Variants in ZNF646 observed in about 807,000 individuals in gnomAD.
The protein encoded by ZNF646 is zinc finger protein 646.
A neutral mutation model predicts 115.4 loss-of-function variants in ZNF646; 49 were observed. The observed-to-expected ratio is 0.42, with a 90% confidence interval of 0.34 to 0.54. ZNF646 has a LOEUF of 0.54. Ranked by LOEUF, ZNF646 falls within the 20% of genes least tolerant of loss-of-function variation. The pLI is 0.04. For missense variants in ZNF646, 2,269 were observed against 2,457.9 expected (o/e 0.92, Z 1.62); for synonymous variants, 933 against 939.0 (o/e 0.99, Z 0.12).
rs750148758 is a variant in ZNF646 at position 31,078,679 on chromosome 16, C to T, written c.2355C>T (p.Cys785=). Reference sequence around the variant, plus strand: ...AGGAAGGTGGTGGCACTCACTTCTGCGATAGCCTCACTGGGGTGGATGAAG... The same window carrying T: ...AGGAAGGTGGTGGCACTCACTTCTGTGATAGCCTCACTGGGGTGGATGAAG... The part of the protein sequence containing the change: ...PGEEGGGTHF[C]DSLTGVDEDQ... The change falls in exon 2 of 3, where the codon TGC becomes TGT. Residue 785 remains cysteine (C), a synonymous_variant. Transcript: ENST00000300850. 29 of 1,614,028 alleles carry T rather than the reference C, an allele frequency of 1.8e-5. No homozygotes were observed. Among genetic ancestry groups the T allele is most frequent in the Middle Eastern group, 3.3e-4 (2 of 6,084 alleles).
chr16:31,080,649 GCC>G lies in ZNF646; in HGVS notation c.4328_4329del (p.Pro1443HisfsTer32). 6.2e-7 allele frequency: 1 copy of G among 1,614,122 alleles called. No homozygotes were observed. Among genetic ancestry groups the G allele is most frequent in the Non-Finnish European group, 8.5e-7 (1 of 1,179,992 alleles). On this transcript the variant is annotated frameshift_variant, in exon 2 of 3. Coordinates refer to ENST00000300850, the MANE Select transcript of ZNF646 (RefSeq NM_014699.4). LOFTEE classifies it high-confidence loss of function. ...CCAAGGCCAGGGGAGCGCAGTCAGA[GCC>G]CCATCAGGGCAGCAAGCTCAGAAGC...
intron 2 of ZNF646, chr16:31,082,744 A>T: frequency 1.8e-6 from 1 of 567,036 alleles, no homozygotes; most frequent in Non-Finnish European, 3.1e-6. Flanking sequence ...AGTCACCTGA[A>T]AGCTGAAGGA....
rs2057094084 is a variant in ZNF646, at chr16:31,077,582, G to A, written c.1258G>A (p.Val420Met). Residue 420 changes from valine (V) to methionine (M), a missense_variant, in exon 2 of 3, where the codon GTG becomes ATG. Val to Met is a conservative substitution (Grantham distance 21). Coordinates refer to ENST00000300850, the MANE Select transcript of ZNF646 (RefSeq NM_014699.4). ...CAATGCGGCTGCCCTCAAAAACCAT[G>A]TGCGGGCTCATCACAGGCCCAGGCA... Reference protein sequence around the residue: ...LFNAAALKNHVRAHHRPRQGV... With the variant: ...LFNAAALKNHMRAHHRPRQGV... The A allele has an allele frequency of 1.2e-6, 2 of 1,613,652 alleles. No homozygotes were observed. Among genetic ancestry groups the A allele is most frequent in the Non-Finnish European group, 8.5e-7 (1 of 1,179,874 alleles).
At position 31,079,244 on chromosome 16, in the gene ZNF646, G is replaced by C; in HGVS notation, c.2920G>C (p.Glu974Gln). 6.2e-7 allele frequency: 1 copy of C among 1,613,890 alleles called. No individual in the cohort carries two copies. Residue 974 changes from glutamate (E) to glutamine (Q), a missense_variant, in exon 2 of 3, where the codon GAG becomes CAG. Physicochemically the swap from Glu to Gln is conservative, Grantham distance 29 (BLOSUM62 2). Around this residue, in one of 5 missense-constraint regions of ZNF646, gnomAD observed 1,062 missense variants for 1,172.8 expected, o/e 0.91. Coordinates refer to ENST00000300850, the MANE Select transcript of ZNF646 (RefSeq NM_014699.4). This position sits in a 1 kb window ranked among gnomAD's most constrained non-coding sequence, Gnocchi z 5.5. ...GQTYDDLGSLERHHQSQSSGT... is the reference protein window; with the variant it reads ...GQTYDDLGSLQRHHQSQSSGT... ...GACCTACGATGACCTGGGGAGCCTGGAGCGTCACCACCAAAGTCAGAGTTC... is the reference window on the plus strand; with the variant it reads ...GACCTACGATGACCTGGGGAGCCTGCAGCGTCACCACCAAAGTCAGAGTTC...
In ZNF646 at chr16:31,076,467, A is replaced by T; in HGVS notation, c.143A>T (p.Tyr48Phe). The T allele has an allele frequency of 1.9e-6, 3 of 1,613,648 alleles. No homozygotes were observed. The highest frequency in any genetic ancestry group is 3.3e-5 in the Admixed American group (2 of 59,992). The change falls in exon 2 of 3, where the codon TAC (tyrosine) becomes TTC (phenylalanine). Residue 48 changes from tyrosine to phenylalanine, a missense_variant. Physicochemically the swap from Tyr to Phe is conservative, Grantham distance 22. Transcript: ENST00000300850. ...GAGGCTGACAGCATCCCTCGGCCCTACCGTTGTCAGCAGTGTGGGCGGGGC... is the reference window on the plus strand; with the variant it reads ...GAGGCTGACAGCATCCCTCGGCCCTTCCGTTGTCAGCAGTGTGGGCGGGGC... ...SEEADSIPRP[Y>F]RCQQCGRGYR...
chr16:31,078,023 C>G lies in ZNF646; in HGVS notation c.1699C>G (p.Pro567Ala), dbSNP rs758897201. The change falls in exon 2 of 3, where the codon CCA becomes GCA. Residue 567 changes from proline (P) to alanine (A), a missense_variant. By Grantham distance (27) the Pro-to-Ala change is conservative. Around this residue, in one of 5 missense-constraint regions of ZNF646, gnomAD observed 852 missense variants for 900.2 expected, o/e 0.95. Transcript: ENST00000300850. Reference sequence around the variant, plus strand: ...TGAAGAAGAGGCCACGGACATCACCCCAGCAGCAGACAAGACAGCAGCACA... The same window carrying G: ...TGAAGAAGAGGCCACGGACATCACCGCAGCAGCAGACAAGACAGCAGCACA... The part of the protein sequence containing the change: ...KHEEEATDIT[P>A]AADKTAAHIC... The G allele has an allele frequency of 3.1e-6, 5 of 1,614,028 alleles. No individual in the cohort carries two copies. The highest frequency in any genetic ancestry group is 4.2e-6 in the Non-Finnish European group (5 of 1,180,046).
chr16:31,080,059 C>A lies in ZNF646; in HGVS notation c.3735C>A (p.Leu1245=), dbSNP rs750759435. The change falls in exon 2 of 3, where the codon CTC becomes CTA. Residue 1245 remains leucine (L), a synonymous_variant. Coordinates refer to ENST00000300850, the MANE Select transcript of ZNF646 (RefSeq NM_014699.4). ...AGGGCTTCTCAAACCTCATGTCCCT[C>A]AAGAACCACCGGCGCATCCATGCAG... is the stretch of plus-strand genomic sequence containing the variant. ...CSKGFSNLMS[L]KNHRRIHADP... is the part of the protein sequence containing the mutation. 2 of 1,611,906 alleles carry A rather than the reference C, an allele frequency of 1.2e-6. No individual in the cohort carries two copies. Among genetic ancestry groups the A allele is most frequent in the South Asian group, 2.2e-5 (2 of 90,978 alleles).
At position 31,077,555 on chromosome 16, in the gene ZNF646, T is replaced by C. The variant is rs1167595818; in HGVS notation, c.1231T>C (p.Phe411Leu). Reference protein sequence around the residue: ...YPCSLCSKQLFNAAALKNHVR... With the variant: ...YPCSLCSKQLLNAAALKNHVR... ...CTGCTCACTCTGTTCTAAGCAGCTG[T>C]TCAATGCGGCTGCCCTCAAAAACCA... The change falls in exon 2 of 3, where the codon TTC becomes CTC. Residue 411 changes from phenylalanine to leucine, a missense_variant. By Grantham distance (22) the Phe-to-Leu change is conservative (BLOSUM62 0). Around this residue, in one of 5 missense-constraint regions of ZNF646, gnomAD observed 852 missense variants for 900.2 expected, o/e 0.95. Transcript: ENST00000300850. 1 of 1,613,244 alleles carries C rather than the reference T, an allele frequency of 6.2e-7. No individual in the cohort carries two copies. The highest frequency in any genetic ancestry group is 1.7e-5 in the Admixed American group (1 of 59,980).
rs145191519 is a variant in ZNF646 at position 31,078,400 on chromosome 16, G to C, written c.2076G>C (p.Ala692=). ...SGGREAKLLA[A]ESWTRELEDN... is the part of the protein sequence containing the mutation. ...GGAGAGAAGCCAAACTCCTGGCAGC[G>C]GAGAGCTGGACCCGGGAGCTAGAAG... Residue 692 remains alanine (A), a synonymous_variant, in exon 2 of 3, where the codon GCG becomes GCC. Coordinates refer to ENST00000300850, the MANE Select transcript of ZNF646 (RefSeq NM_014699.4). 2.5e-6 allele frequency: 4 copies of C among 1,611,468 alleles called. No individual in the cohort carries two copies. The South Asian group carries it at 3.3e-5, about 13-fold the overall frequency.
chr16:31,081,891 T>C, intron 2 of ZNF646, 190 bp downstream of exon 2: 1 of 993,336 alleles, frequency 1.0e-6, no homozygotes, highest in South Asian at 1.9e-5. Context: ...GCAAGTCAGG[T>C]ATAACAAATA....
rs895058925 is a variant in ZNF646 at position 31,083,453 on chromosome 16, T to G, written c.*361T>G. 4.0e-5 allele frequency: 52 copies of G among 1,305,162 alleles called. No homozygotes were observed. Among genetic ancestry groups the G allele is most frequent in the Non-Finnish European group, 4.8e-5 (49 of 1,016,674 alleles). The allele number at this position is 1,305,162 out of a possible 1,614,324, so 80.8% of individuals were successfully genotyped here. A position where few individuals can be genotyped will look rare whatever the true frequency, so the allele number is the denominator to read the frequency against. On this transcript the variant is annotated 3_prime_UTR_variant, in exon 3 of 3. Coordinates refer to ENST00000300850, the MANE Select transcript of ZNF646 (RefSeq NM_014699.4). ...TTTCTAAAGTCTATTTTGTAACAAT[T>G]TATTTAAGTTTAAAAAAAGGAAAAC... is the stretch of plus-strand genomic sequence containing the variant.
Position 31,080,243 on chromosome 16 carries a change from A to G in ZNF646, c.3919A>G (p.Thr1307Ala), listed in dbSNP as rs1245731783. 2 of 1,605,812 alleles carry G rather than the reference A, an allele frequency of 1.2e-6. No homozygotes were observed. Among genetic ancestry groups the G allele is most frequent in the South Asian group, 1.1e-5 (1 of 90,706 alleles). ...CTTCCGCTGTGGGCAGTGCGGGCGG[A>G]CCTATCGCCACGCCGGCAGCCTCCT... The part of the protein sequence containing the change: ...RPFRCGQCGR[T>A]YRHAGSLLNH... The change falls in exon 2 of 3, where the codon ACC (threonine) becomes GCC (alanine). Residue 1307 changes from threonine (T) to alanine (A), a missense_variant. Physicochemically the swap from Thr to Ala is moderately conservative, Grantham distance 58. Coordinates refer to ENST00000300850, the MANE Select transcript of ZNF646 (RefSeq NM_014699.4).
In ZNF646 at chr16:31,083,155, C is replaced by G. The variant is rs1457554217; in HGVS notation, c.*63C>G. The G allele has an allele frequency of 2.6e-6, 4 of 1,551,678 alleles. No homozygotes were observed. In the Admixed American group the frequency reaches 8.4e-5, roughly 33 times the overall value. ...GCGCGTGCAGGGAGGGGCTTGATCT[C>G]CACATTTTCTCAGGAGTAGTTCGGG... is the stretch of plus-strand genomic sequence containing the variant. On this transcript the variant is annotated 3_prime_UTR_variant, in exon 3 of 3. Coordinates refer to ENST00000300850, the MANE Select transcript of ZNF646 (RefSeq NM_014699.4).
chr16:31,080,633 G>A lies in ZNF646; in HGVS notation c.4309G>A (p.Gly1437Arg). 1.2e-6 allele frequency: 2 copies of A among 1,614,176 alleles called. No individual in the cohort carries two copies. Among genetic ancestry groups the A allele is most frequent in the Non-Finnish European group, 1.7e-6 (2 of 1,180,012 alleles). Residue 1437 changes from glycine to arginine, a missense_variant, in exon 2 of 3, where the codon GGG becomes AGG. By Grantham distance (125) the Gly-to-Arg change is moderately radical. Coordinates refer to ENST00000300850, the MANE Select transcript of ZNF646 (RefSeq NM_014699.4). ...CTTGGAGGATGGAGTCCCAAGGCCA[G>A]GGGAGCGCAGTCAGAGCCCCATCAG... is the stretch of plus-strand genomic sequence containing the variant. Reference protein sequence around the residue: ...PHLEDGVPRPGERSQSPIRAA... With the variant: ...PHLEDGVPRPRERSQSPIRAA...
At position 31,078,963 on chromosome 16, in the gene ZNF646, C is replaced by T; in HGVS notation, c.2639C>T (p.Pro880Leu). The change falls in exon 2 of 3, where the codon CCT becomes CTT. Residue 880 changes from proline to leucine, a missense_variant. Coordinates refer to ENST00000300850, the MANE Select transcript of ZNF646 (RefSeq NM_014699.4). ...HRPGEATSAQPFLCCLCGMIF... is the reference protein window; with the variant it reads ...HRPGEATSAQLFLCCLCGMIF... ...CCTGGGGAGGCGACCTCAGCACAGC[C>T]TTTCCTCTGCTGCCTCTGTGGCATG... 1.9e-6 allele frequency: 3 copies of T among 1,609,778 alleles called. No homozygotes were observed. The South Asian group carries it at 3.3e-5, about 18-fold the overall frequency.
At position 31,081,114 on chromosome 16, in the gene ZNF646, A is replaced by T. The variant is rs776326677; in HGVS notation, c.4790A>T (p.His1597Leu). The change falls in exon 2 of 3, where the codon CAC becomes CTC. Residue 1597 changes from histidine to leucine, a missense_variant. Physicochemically the swap from His to Leu is moderately conservative, Grantham distance 99. This residue lies in a region of ZNF646 where 1,062 missense variants were observed against 1,172.8 expected (regional missense o/e 0.91). Transcript: ENST00000300850. Reference sequence around the variant, plus strand: ...GACTGTGGCAAAGCCTTTGAGTCCCACCAGGAACTGGCCAGCCACCTGCAG... The same window carrying T: ...GACTGTGGCAAAGCCTTTGAGTCCCTCCAGGAACTGGCCAGCCACCTGCAG... ...CPDCGKAFES[H>L]QELASHLQAH... 1 of 1,611,146 alleles carries T rather than the reference A, an allele frequency of 6.2e-7. No homozygotes were observed. Among genetic ancestry groups the T allele is most frequent in the Non-Finnish European group, 8.5e-7 (1 of 1,178,082 alleles).
upstream of ZNF646, chr16:31,073,284 G>A (rs2057031556): frequency 6.6e-6 from 1 of 152,476 alleles, no homozygotes; most frequent in Non-Finnish European, 1.5e-5. Flanking sequence ...TAGGACCGCG[G>A]GAGTGGTGGC....
At chr16:31,073,631 C>T (rs2057036694), upstream of ZNF646, 1 of 152,226 alleles carries the variant, frequency 6.6e-6, no homozygotes, top group Non-Finnish European at 1.5e-5. Flanking sequence ...GCCCGGGGCC[C>T]TCGCGGCTTC....
chr16:31,078,899 T>A lies in ZNF646; in HGVS notation c.2575T>A (p.Ser859Thr), dbSNP rs201064760. 64 of 1,613,802 alleles carry A rather than the reference T, an allele frequency of 4.0e-5. No individual in the cohort carries two copies. The highest frequency in any genetic ancestry group is 3.1e-5 in the Non-Finnish European group (37 of 1,180,014). The change falls in exon 2 of 3, where the codon TCT (serine) becomes ACT (threonine). Residue 859 changes from serine (S) to threonine (T), a missense_variant. Transcript: ENST00000300850. ...QCSLCPKEFD[S>T]LPALRSHFQN... ...CTCCCTCTGCCCGAAGGAGTTTGAC[T>A]CTCTGCCTGCCCTCCGCAGCCACTT... is the stretch of plus-strand genomic sequence containing the variant.
Sources: allele counts gnomAD v4.1 joint callset, GRCh38; gene constraint gnomAD v4.1.1; regional missense constraint gnomAD v4.1.1; non-coding constraint Gnocchi (gnomAD v3.1); transcripts MANE v1.5; gene names NCBI Gene and HGNC (gene_info 2026-07-23, HGNC 2026-07-21).